NTNG2: variants seen among roughly 807,000 people sequenced by gnomAD.
The protein encoded by NTNG2 is netrin G2, also known as netrin-G2.
NTNG2 carries 15 observed loss-of-function variants against 47.6 expected under a neutral mutation model. The ratio of observed to expected loss-of-function variants is 0.32; its 90% CI spans 0.21 to 0.49. NTNG2 has a LOEUF of 0.49. NTNG2 is among the 20% of genes least tolerant of loss of function. NTNG2 has a pLI of 0.99. For synonymous variants in NTNG2, 307 were observed against 324.6 expected, an observed-to-expected ratio of 0.95 and a Z score of 0.58; for missense variants, 578 against 764.6, an observed-to-expected ratio of 0.76 and a Z score of 2.88.
At chr9:132,201,996 C>G (rs115273869) in intron 3 of NTNG2, among the ~76,000 whole-genome samples, 1 of 152,224 alleles carries the variant, frequency 6.6e-6, no homozygotes, top group South Asian at 2.1e-4. Context: ...CAGCTAACAT[C>G]TAGACACAAG....
At chr9:132,190,154 A>G (rs1345643227) in intron 2 of NTNG2, among the ~76,000 whole-genome samples, 1 of 143,028 alleles carries the variant, frequency 7.0e-6, no homozygotes, top group East Asian at 2.2e-4. Context: ...AATGGTGTGA[A>G]CCCGGGAGGC....
In NTNG2 at chr9:132,201,877, G is replaced by A. The variant is rs115145339; in HGVS notation, c.857+3268G>A. 8.1e-3 allele frequency among the ~76,000 whole-genome samples: 1,229 copies of A among 152,184 alleles called. 22 individuals carry two copies. The highest frequency in any genetic ancestry group is 0.028 in the African/African-American group (1,148 of 41,538). The stretch of plus-strand genomic sequence containing the variant: ...AGACCTGATCCCCACCCCCTGGAGC[G>A]CTCCCCGCGGGGGCAGCGCTCCCCC... On this transcript the variant is annotated intron_variant, in intron 3 of 7. Transcript: ENST00000393229.
chr9:132,173,803 G>A (rs1461839160), intron 2 of NTNG2, among the ~76,000 whole-genome samples: 2 of 143,732 alleles, frequency 1.4e-5, no homozygotes, highest in African/African-American at 2.6e-5. Flanking sequence ...CGGATGAGAC[G>A]GACGGACGGA....
At chr9:132,219,990 C>T (rs1840245141) in intron 3 of NTNG2, among the ~76,000 whole-genome samples, 1 of 152,232 alleles carries the variant, frequency 6.6e-6, no homozygotes, top group South Asian at 2.1e-4. Flanking sequence ...TCTCTGCATC[C>T]TCACCAGCAG....
At chr9:132,206,627 A>G (rs34242909) in intron 3 of NTNG2, among the ~76,000 whole-genome samples, 4,578 of 152,364 alleles carry the variant, frequency 0.03, 94 homozygotes, top group Non-Finnish European at 0.05. Flanking sequence ...AGATCGTGCC[A>G]TTGCACTCCA....
chr9:132,233,828 G>A (rs1191196367), intron 5 of NTNG2: 2 of 152,150 alleles, frequency 1.3e-5, no homozygotes, highest in African/African-American at 2.4e-5. Context: ...TGAGGGGATC[G>A]AGGCTTAGGA....
intron 3 of NTNG2, among the ~76,000 whole-genome samples, chr9:132,213,407 C>T (rs189862566): frequency 5.3e-5 from 8 of 152,136 alleles, no homozygotes; most frequent in Non-Finnish European, 7.4e-5. Context: ...ACCTTGAGGC[C>T]GTCCATCGTC....
intron 3 of NTNG2, among the ~76,000 whole-genome samples, chr9:132,223,602 G>A (rs866591412): frequency 1.3e-5 from 2 of 151,384 alleles, no homozygotes; most frequent in Non-Finnish European, 1.5e-5. Context: ...AGGGGGAAAC[G>A]GAAGTTGCAG....
chr9:132,227,137 G>T, intron 4 of NTNG2, 116 bp downstream of exon 4: 1 of 1,144,886 alleles, frequency 8.7e-7, no homozygotes, highest in East Asian at 2.7e-5. Context: ...GCACATACGT[G>T]TGCACATGCA....
rs33967810 is a variant in NTNG2, at chr9:132,178,961, C to CAAA, written c.213+11936_213+11938dup. ...TGCACAACAGAGTGAGACTCGGTCT[C>CAAA]AAAAAAAAAAAAAAAAAAAAACTAC... On this transcript the variant is annotated intron_variant, in intron 2 of 7. Transcript: ENST00000393229. 3.6e-4 allele frequency among the ~76,000 whole-genome samples: 30 copies of CAAA among 82,282 alleles called. 1 individual carries two copies. The highest frequency in any genetic ancestry group is 1.4e-3 in the East Asian group (4 of 2,900). 54.0% of individuals were successfully genotyped at this position (82,282 alleles called of 152,430 possible). A position where few individuals can be genotyped will look rare whatever the true frequency, so the allele number is the denominator to read the frequency against.
intron 5 of NTNG2, among the ~76,000 whole-genome samples, chr9:132,230,893 C>T (rs985755217): frequency 2.0e-5 from 3 of 152,034 alleles, no homozygotes; most frequent in South Asian, 2.1e-4. Context: ...CTTTGGAAAA[C>T]GGGACAGGAC....
At chr9:132,183,732 T>C (rs1483788976) in intron 2 of NTNG2, among the ~76,000 whole-genome samples, 1 of 152,152 alleles carries the variant, frequency 6.6e-6, no homozygotes, top group African/African-American at 2.4e-5. Context: ...GTAGGTAAAA[T>C]AACAGGAACA....
intron 2 of NTNG2, among the ~76,000 whole-genome samples, chr9:132,177,084 G>C (rs1412152057): frequency 6.6e-6 from 1 of 152,142 alleles, no homozygotes; most frequent in Non-Finnish European, 1.5e-5. Flanking sequence ...TCACCTCCTG[G>C]GTTCAAATCA....
At chr9:132,174,578 G>C (rs112401031) in intron 2 of NTNG2, among the ~76,000 whole-genome samples, 3,053 of 152,216 alleles carry the variant, frequency 0.02, 106 homozygotes, top group African/African-American at 0.07. Context: ...CAAATAAGAC[G>C]AGACCAGGCG....
At chr9:132,202,262 G>T (rs1480090518) in intron 3 of NTNG2, among the ~76,000 whole-genome samples, 3 of 152,208 alleles carry the variant, frequency 2.0e-5, no homozygotes, top group African/African-American at 4.8e-5. Flanking sequence ...GGCAGGAGGG[G>T]GAGGACAGAG....
chr9:132,216,414 C>CTCTCTCTGTGTGTG (rs1554790515), intron 3 of NTNG2, among the ~76,000 whole-genome samples: 26 of 110,328 alleles, frequency 2.4e-4, no homozygotes, highest in Admixed American at 9.0e-4. Context: ...CTCTCTCTCT[C>CTCTCTCTGTGTGTG]TGTGTGTGTG....
chr9:132,193,748 C>T (rs905444789), intron 2 of NTNG2, among the ~76,000 whole-genome samples: 2 of 152,130 alleles, frequency 1.3e-5, no homozygotes, highest in Non-Finnish European at 1.5e-5. Context: ...TCTTAGTCAG[C>T]TCCGGCCACC....
chr9:132,207,033 T>C (rs1564417597), intron 3 of NTNG2, among the ~76,000 whole-genome samples: 1 of 152,226 alleles, frequency 6.6e-6, no homozygotes, highest in African/African-American at 2.4e-5. Flanking sequence ...CACAGGAGGC[T>C]TGGGGAGCCC....
rs550866401 is a variant in NTNG2, at chr9:132,208,362, G to A, written c.857+9753G>A. Among the ~76,000 whole-genome samples, 2 of 152,268 alleles carry A rather than the reference G, an allele frequency of 1.3e-5. No homozygotes were observed. Among genetic ancestry groups the A allele is most frequent in the Admixed American group, 1.3e-4 (2 of 15,294 alleles). ...AGATCACGCCAGCCCTGCAGCCCCG[G>A]GAGGAAGTTGGTTTTGGTTGAAGTT... is the stretch of plus-strand genomic sequence containing the variant. On this transcript the variant is annotated intron_variant, in intron 3 of 7. Transcript: ENST00000393229. This position sits in a 1 kb window ranked among gnomAD's most constrained non-coding sequence, Gnocchi z 4.0.
Sources: allele counts gnomAD v4.1 joint callset (sites outside exome capture counted in the v4.1 genomes callset), GRCh38; gene constraint gnomAD v4.1.1; non-coding constraint Gnocchi (gnomAD v3.1); transcripts MANE v1.5; gene names NCBI Gene and HGNC (gene_info 2026-07-23, HGNC 2026-07-21).